The following ATP13A4 variants were observed in gnomAD, a reference collection of about 807,000 sequenced individuals.
The protein encoded by ATP13A4 is probable cation-transporting ATPase 13A4.
Under a neutral mutation model 142.5 loss-of-function variants are expected in ATP13A4, and 114 were observed. The ratio of observed to expected loss-of-function variants is 0.80; its 90% CI spans 0.69 to 0.93. The LOEUF (loss-of-function observed/expected upper bound fraction) is 0.93. Among genes scored for constraint, ATP13A4 ranks in the 40% least tolerant of loss-of-function variants. The pLI is 0.00. For missense variants in ATP13A4, 1,392 were observed against 1,454.0 expected, an observed-to-expected ratio of 0.96 and a Z score of 0.69; for synonymous variants, 488 against 514.8, an observed-to-expected ratio of 0.95 and a Z score of 0.70.
intron 26 of ATP13A4, 40 bp from the exon 27 acceptor site, chr3:193,412,411 C>A (rs1199805764): frequency 6.3e-7 from 1 of 1,581,762 alleles, no homozygotes; most frequent in Non-Finnish European, 8.7e-7. Flanking sequence ...AGTAAGATTG[C>A]AAGGCTTTAT....
chr3:193,467,901 G>GA (rs1718395976), intron 9 of ATP13A4, among the ~76,000 whole-genome samples: 1 of 152,132 alleles, frequency 6.6e-6, no homozygotes, highest in Non-Finnish European at 1.5e-5. Context: ...CTGGTGGGCT[G>GA]GGCACAGTGG....
intron 17 of ATP13A4, among the ~76,000 whole-genome samples, chr3:193,452,282 T>C (rs1717324456): frequency 6.6e-6 from 1 of 152,280 alleles, no homozygotes; most frequent in South Asian, 2.1e-4. Context: ...TGCCTCTCCT[T>C]CAAAATGTGA....
chr3:193,435,828 G>A (rs1716236101), intron 23 of ATP13A4, 84 bp from the exon 24 acceptor site: 1 of 1,255,586 alleles, frequency 8.0e-7, no homozygotes, highest in Non-Finnish European at 1.2e-6. Context: ...GCTAAGCTCA[G>A]GAGAAAAAAA....
intron 1 of ATP13A4, among the ~76,000 whole-genome samples, chr3:193,546,232 C>G (rs1412198321): frequency 1.3e-5 from 2 of 152,086 alleles, no homozygotes; most frequent in Non-Finnish European, 2.9e-5. Flanking sequence ...TGAATAGTAT[C>G]AAGGAACTGA....
intron 24 of ATP13A4, 152 bp from the exon 25 acceptor site, chr3:193,434,069 A>G (rs1265270304): frequency 2.8e-6 from 2 of 713,830 alleles, no homozygotes; most frequent in Non-Finnish European, 4.9e-6. Context: ...TTGGTGAGTG[A>G]TGGTGTTGGT....
At chr3:193,427,947 A>C (rs1715757245) in intron 25 of ATP13A4, among the ~76,000 whole-genome samples, 1 of 152,208 alleles carries the variant, frequency 6.6e-6, no homozygotes, top group Non-Finnish European at 1.5e-5. Context: ...AATGGGATCT[A>C]ATTAAACAAA....
chr3:193,507,839 A>T (rs763660086), intron 2 of ATP13A4, among the ~76,000 whole-genome samples: 46 of 152,152 alleles, frequency 3.0e-4, no homozygotes, highest in Non-Finnish European at 6.0e-4. Context: ...TCTCACAAGG[A>T]GATAGGTATT....
At chr3:193,584,213 A>T (rs1056851896) in intron 1 of ATP13A4, among the ~76,000 whole-genome samples, 3 of 152,192 alleles carry the variant, frequency 2.0e-5, no homozygotes, top group Non-Finnish European at 4.4e-5. Context: ...TGATCAAATC[A>T]CACGGATGCT....
At chr3:193,474,773 G>A (rs1036537934) in intron 8 of ATP13A4, among the ~76,000 whole-genome samples, 2 of 151,870 alleles carry the variant, frequency 1.3e-5, no homozygotes, top group East Asian at 3.9e-4. Flanking sequence ...GAGAAAGAAA[G>A]AAAGAAACAG....
chr3:193,560,926 T>C (rs1376296889), intron 2 of ATP13A4, among the ~76,000 whole-genome samples: 2 of 152,114 alleles, frequency 1.3e-5, no homozygotes, highest in African/African-American at 4.8e-5. Flanking sequence ...ATGGGGCAGG[T>C]GATACTTGGA....
chr3:193,460,905 A>G (rs1329698093), intron 13 of ATP13A4, among the ~76,000 whole-genome samples: 1 of 152,244 alleles, frequency 6.6e-6, no homozygotes, highest in Non-Finnish European at 1.5e-5. Flanking sequence ...CTTTTTGGAA[A>G]GGAAGAAATA....
intron 25 of ATP13A4, among the ~76,000 whole-genome samples, chr3:193,432,963 T>C (rs1184123284): frequency 6.6e-6 from 1 of 152,170 alleles, no homozygotes; most frequent in South Asian, 2.1e-4. Context: ...ATGTAAACGA[T>C]GGACTTTGGA....
chr3:193,499,843 A>G (rs1196011392), intron 3 of ATP13A4, among the ~76,000 whole-genome samples: 2 of 152,226 alleles, frequency 1.3e-5, no homozygotes, highest in East Asian at 3.9e-4. Flanking sequence ...AAAACATAAT[A>G]GACATGAAAC....
chr3:193,458,363 G>A (rs922986983), intron 14 of ATP13A4, among the ~76,000 whole-genome samples: 2 of 152,138 alleles, frequency 1.3e-5, no homozygotes, highest in African/African-American at 4.8e-5. Flanking sequence ...TTCCTTTTAC[G>A]AGAAGATTCC....
intron 2 of ATP13A4, chr3:193,579,379 G>A (rs931629255): frequency 4.4e-6 from 1 of 227,908 alleles, no homozygotes; most frequent in Non-Finnish European, 8.6e-6. Flanking sequence ...GTGTCCAATG[G>A]TGACAATGTT....
In ATP13A4 at chr3:193,441,596, G is replaced by A; in HGVS notation, c.2317-8C>T. The A allele has an allele frequency of 6.2e-7, 1 of 1,612,676 alleles. No individual in the cohort carries two copies. Among genetic ancestry groups the A allele is most frequent in the South Asian group, 1.1e-5 (1 of 91,042 alleles). On this transcript the variant is annotated splice_region_variant and splice_polypyrimidine_tract_variant and intron_variant, in intron 19 of 29. Coordinates refer to ENST00000342695, the MANE Select transcript of ATP13A4 (RefSeq NM_032279.4). ...GATGTTAATGTAATTGTCCTACAAA[G>A]CAAGACACAGTTATTTTAGACTCTT... is the stretch of plus-strand genomic sequence containing the variant.
At chr3:193,505,316 C>G (rs1720803023) in intron 2 of ATP13A4, among the ~76,000 whole-genome samples, 1 of 152,158 alleles carries the variant, frequency 6.6e-6, no homozygotes, top group African/African-American at 2.4e-5. Flanking sequence ...GACCTCCAGA[C>G]TGTAATGCCT....
intron 1 of ATP13A4, among the ~76,000 whole-genome samples, chr3:193,529,831 T>C (rs1722219805): frequency 6.6e-6 from 1 of 152,220 alleles, no homozygotes; most frequent in South Asian, 2.1e-4. Context: ...CCAATTTAAG[T>C]TTGGCTCTAA....
chr3:193,562,584 C>T (rs976563322), intron 2 of ATP13A4, among the ~76,000 whole-genome samples: 4 of 152,128 alleles, frequency 2.6e-5, no homozygotes, highest in Admixed American at 2.6e-4. Context: ...TAGAATCATA[C>T]TGGTCAGCTG....
Sources: gnomAD v4.1 joint callset for allele counts (sites outside exome capture counted in the v4.1 genomes callset) on GRCh38, gnomAD v4.1.1 for gene constraint, MANE v1.5 for transcripts, NCBI Gene and HGNC (gene_info 2026-07-23, HGNC 2026-07-21) for gene names.